The following MYH15 variants were observed in gnomAD, a reference collection of about 807,000 sequenced individuals.
MYH15 encodes the protein myosin-15.
Under a neutral mutation model 240.5 loss-of-function variants are expected in MYH15, and 227 were observed. The observed-to-expected ratio is 0.94, with a 90% CI of 0.85 to 1.05. The LOEUF (loss-of-function observed/expected upper bound fraction) is 1.05. Among genes scored for constraint, MYH15 ranks in the 50% least tolerant of loss-of-function variants. The probability of loss-of-function intolerance (pLI) is 0.00; values close to 1 mark genes in which losing one functional copy is unlikely to be tolerated. For synonymous variants in MYH15, 785 were observed against 796.7 expected, an observed-to-expected ratio of 0.99 and a Z score of 0.25; for missense variants, 2,217 against 2,247.5, an observed-to-expected ratio of 0.99 and a Z score of 0.27.
At chr3:108,451,433 C>T (rs962453449) in intron 21 of MYH15, among the ~76,000 whole-genome samples, 45 of 151,822 alleles carry the variant, frequency 3.0e-4, no homozygotes, top group Admixed American at 2.9e-3. Context: ...TTGAAAAATT[C>T]AAAAGAAATG....
chr3:108,500,409 T>C, intron 3 of MYH15, 135 bp from the exon 4 acceptor site: 1 of 899,970 alleles, frequency 1.1e-6, no homozygotes, highest in South Asian at 2.0e-5. Context: ...TGGAATCATG[T>C]AGAGAAGGGA....
At chr3:108,534,414 T>C in the MYH15 span, among the ~76,000 whole-genome samples, 14 of 152,228 alleles carry the variant, frequency 9.2e-5, no homozygotes, top group Non-Finnish European at 1.9e-4. Flanking sequence ...TAAAACTATT[T>C]GGTCTTTCAT....
intron 7 of MYH15, among the ~76,000 whole-genome samples, chr3:108,493,553 T>C (rs1056166137): frequency 3.3e-5 from 5 of 152,224 alleles, no homozygotes; most frequent in African/African-American, 1.2e-4. Context: ...TGTTTATTCA[T>C]GCAACAAACA....
chr3:108,507,358 G>T (rs2107248435), intron 1 of MYH15, among the ~76,000 whole-genome samples: 1 of 149,752 alleles, frequency 6.7e-6, no homozygotes, highest in African/African-American at 2.5e-5. Context: ...AAAGCCTTTG[G>T]CTGAAGGAGG....
upstream of MYH15, among the ~76,000 whole-genome samples, chr3:108,512,877 G>A (rs147954251): frequency 7.0e-4 from 106 of 152,172 alleles, 1 homozygote; most frequent in African/African-American, 2.5e-3. Flanking sequence ...GCCAGGAGTG[G>A]GGCGGGCCTG....
Position 108,414,363 on chromosome 3 carries a change from C to T in MYH15, c.4014G>A (p.Gln1338=), listed in dbSNP as rs756789079. The T allele has an allele frequency of 6.2e-7, 1 of 1,614,206 alleles. No individual in the cohort carries two copies. Among genetic ancestry groups the T allele is most frequent in the East Asian group, 2.2e-5 (1 of 44,886 alleles). Residue 1338 remains glutamine, a synonymous_variant, in exon 30 of 41, where the codon CAG becomes CAA. Transcript: ENST00000693548. The part of the protein sequence containing the change: ...AQRDCDLLRE[Q]YEEEQEVKAE... ...CCTTGACCTCTTGTTCTTCCTCATACTGCTCTCGTAGAAGGTCACAGTCAC... is the reference window on the plus strand; with the variant it reads ...CCTTGACCTCTTGTTCTTCCTCATATTGCTCTCGTAGAAGGTCACAGTCAC...
rs1375006787 is a variant in MYH15 at position 108,492,587 on chromosome 3, C to T, written c.784G>A (p.Glu262Lys). The T allele has an allele frequency of 1.9e-6, 3 of 1,611,538 alleles. No individual in the cohort carries two copies. Among genetic ancestry groups the T allele is most frequent in the Middle Eastern group, 3.3e-4 (2 of 6,056 alleles). Residue 262 changes from glutamate to lysine, a missense_variant, in exon 9 of 41, where the codon GAA (glutamate) becomes AAA (lysine). Physicochemically the swap from Glu to Lys is moderately conservative, Grantham distance 56. Coordinates refer to ENST00000693548, the MANE Select transcript of MYH15 (RefSeq NM_014981.3). ...SSVDIDIYLL[E>K]KSRVIFQQAG... is the part of the protein sequence containing the mutation. ...TGCTGGAAAATCACCCTGGACTTTTCAAGCAAATCTGGATGATGAGAAATG... is the reference window on the plus strand; with the variant it reads ...TGCTGGAAAATCACCCTGGACTTTTTAAGCAAATCTGGATGATGAGAAATG...
chr3:108,549,451 A>T, the MYH15 span, among the ~76,000 whole-genome samples: 1 of 152,008 alleles, frequency 6.6e-6, no homozygotes, highest in African/African-American at 2.4e-5. Context: ...CTTTAGGGAG[A>T]GAAGATTAGA....
At chr3:108,433,853 T>A (rs1413399280) in intron 25 of MYH15, among the ~76,000 whole-genome samples, 4 of 152,166 alleles carry the variant, frequency 2.6e-5, no homozygotes, top group African/African-American at 7.2e-5. Flanking sequence ...ATCAGCAACA[T>A]GAAAACAAAC....
the MYH15 span, chr3:108,549,787 C>G: frequency 6.6e-5 from 10 of 152,046 alleles, no homozygotes; most frequent in South Asian, 1.9e-3. Context: ...CTCAAGATGT[C>G]TAAATTGGAA....
chr3:108,466,738 C>T (rs1026774983), intron 14 of MYH15, among the ~76,000 whole-genome samples: 4 of 152,152 alleles, frequency 2.6e-5, no homozygotes, highest in Admixed American at 6.5e-5. Flanking sequence ...AAAGCCCCCG[C>T]TTGTTCACTC....
At chr3:108,453,933 C>A (rs2082997334) in intron 21 of MYH15, 73 bp downstream of exon 21, 8 of 1,460,750 alleles carry the variant, frequency 5.5e-6, no homozygotes, top group Admixed American at 1.8e-5. Context: ...TACTATAAGG[C>A]AATGAGATTA....
At chr3:108,391,634 T>C (rs761632134) in intron 37 of MYH15, 126 bp downstream of exon 37, 2 of 1,024,664 alleles carry the variant, frequency 2.0e-6, no homozygotes, top group Non-Finnish European at 2.9e-6. Flanking sequence ...CTTAAATATC[T>C]GAAAGTACTA....
chr3:108,433,964 T>C (rs988758205), intron 25 of MYH15, among the ~76,000 whole-genome samples: 10 of 152,144 alleles, frequency 6.6e-5, no homozygotes, highest in Non-Finnish European at 1.3e-4. Flanking sequence ...ATGTTTGTGC[T>C]TACATGTGTA....
intron 30 of MYH15, among the ~76,000 whole-genome samples, chr3:108,411,977 G>A (rs751453968): frequency 5.9e-5 from 9 of 152,324 alleles, no homozygotes; most frequent in Non-Finnish European, 1.0e-4. Context: ...TTTCTTAAAC[G>A]TTAAGAGGAT....
In MYH15 at chr3:108,444,776, T is replaced by TCTTCTC; in HGVS notation, c.2513_2518dup (p.Gly838_Glu839dup). 1 of 1,613,992 alleles carries TCTTCTC rather than the reference T, an allele frequency of 6.2e-7. No homozygotes were observed. The highest frequency in any genetic ancestry group is 2.2e-5 in the East Asian group (1 of 44,846). On this transcript the variant is annotated inframe_insertion, in exon 22 of 41. Coordinates refer to ENST00000693548, the MANE Select transcript of MYH15 (RefSeq NM_014981.3). ...ACACTCTTCCTTCAGTCCAGCTACT[T>TCTTCTC]CTTCTCCTACTTCTGAAGATTTAAC...
In MYH15 at chr3:108,383,647, G is replaced by A; in HGVS notation, c.5714C>T (p.Ala1905Val). 1 of 1,612,314 alleles carries A rather than the reference G, an allele frequency of 6.2e-7. No homozygotes were observed. The highest frequency in any genetic ancestry group is 8.5e-7 in the Non-Finnish European group (1 of 1,179,442). The stretch of plus-strand genomic sequence containing the variant: ...TTTGAGTTTATTGACTTGAGATTCT[G>A]CCACCTCTGCCCTTTCCTTCACTTC... ...LNEVKERAEVAESQVNKLKIK... is the reference protein window; with the variant it reads ...LNEVKERAEVVESQVNKLKIK... The change falls in exon 40 of 41, where the codon GCA (alanine) becomes GTA (valine). Residue 1905 changes from alanine (A) to valine (V), a missense_variant. Transcript: ENST00000693548.
At chr3:108,439,693 A>T in intron 24 of MYH15, 44 bp downstream of exon 24, 1 of 1,421,224 alleles carries the variant, frequency 7.0e-7, no homozygotes, top group Non-Finnish European at 9.3e-7. Flanking sequence ...AGTTATGTGT[A>T]TATGTAGACA....
intron 1 of MYH15, among the ~76,000 whole-genome samples, chr3:108,520,202 G>A (rs1055529061): frequency 3.9e-5 from 6 of 152,112 alleles, no homozygotes; most frequent in African/African-American, 7.2e-5. Context: ...AGATTATACC[G>A]AAAGTAAAAC....
Sources: gnomAD v4.1 joint callset for allele counts (sites outside exome capture counted in the v4.1 genomes callset) on GRCh38, gnomAD v4.1.1 for gene constraint, MANE v1.5 for transcripts, NCBI Gene and HGNC (gene_info 2026-07-23, HGNC 2026-07-21) for gene names.